Variants in FBXO15 observed in about 807,000 individuals in gnomAD.
FBXO15 encodes F-box only protein 15.
A neutral mutation model predicts 49.5 loss-of-function variants in FBXO15; 30 were observed. The ratio of observed to expected loss-of-function variants is 0.61; its 90% CI spans 0.45 to 0.82. The LOEUF is 0.82. FBXO15 is among the 40% of genes least tolerant of loss of function. The pLI is 0.00. For synonymous variants in FBXO15, 250 were observed against 232.7 expected, an observed-to-expected ratio of 1.07 and a Z score of -0.68; for missense variants, 591 against 631.5, an observed-to-expected ratio of 0.94 and a Z score of 0.69.
intron 8 of FBXO15, among the ~76,000 whole-genome samples, chr18:74,093,117 GC>G (rs1453159847): frequency 6.6e-6 from 1 of 152,180 alleles, no homozygotes; most frequent in African/African-American, 2.4e-5. Context: ...ACATGTTTGT[GC>G]CAGTAATGCA....
At chr18:74,085,789 A>G (rs1039051047) in intron 8 of FBXO15, among the ~76,000 whole-genome samples, 3 of 152,230 alleles carry the variant, frequency 2.0e-5, no homozygotes, top group Non-Finnish European at 2.9e-5. Context: ...CTTCTAATTT[A>G]CACAAAACAC....
chr18:74,128,879 T>C (rs910597216), intron 5 of FBXO15, among the ~76,000 whole-genome samples: 3 of 152,224 alleles, frequency 2.0e-5, no homozygotes, highest in East Asian at 1.9e-4. Context: ...ATCTTATTCA[T>C]TGCAGTCATA....
intron 8 of FBXO15, among the ~76,000 whole-genome samples, chr18:74,094,394 CCCACTTCGCCTT>C (rs1913189666): frequency 6.6e-6 from 1 of 152,160 alleles, no homozygotes; most frequent in South Asian, 2.1e-4. Flanking sequence ...GTGCCTACTC[CCCACTTCGCCTT>C]CCACCCTGAT....
intron 8 of FBXO15, among the ~76,000 whole-genome samples, chr18:74,102,338 A>G (rs1273459485): frequency 6.6e-6 from 1 of 152,200 alleles, no homozygotes; most frequent in Non-Finnish European, 1.5e-5. Flanking sequence ...CAAATGGCCA[A>G]CAAACACAAA....
chr18:74,090,676 C>A (rs1022524784), intron 8 of FBXO15, among the ~76,000 whole-genome samples: 2 of 152,138 alleles, frequency 1.3e-5, no homozygotes, highest in East Asian at 1.9e-4. Context: ...CACTCAGGAG[C>A]AAGTTGTCTA....
Position 74,135,782 on chromosome 18 carries a change from A to C in FBXO15, c.312T>G (p.Phe104Leu), listed in dbSNP as rs972247705. ...CTTACTTGTCATTGGCTAGATGATA[A>C]AAGCGCCTGCTCACACATCCAGTAC... ...LLCTGCVSRR[F>L]YHLANDNFIW... Residue 104 changes from phenylalanine to leucine, a missense_variant, in exon 3 of 10, where the codon TTT becomes TTG. Coordinates refer to ENST00000419743, the MANE Select transcript of FBXO15 (RefSeq NM_001142958.2). 6.2e-7 allele frequency: 1 copy of C among 1,606,966 alleles called. No individual in the cohort carries two copies.
intron 8 of FBXO15, among the ~76,000 whole-genome samples, chr18:74,086,573 A>C (rs1912750119): frequency 6.6e-6 from 1 of 152,092 alleles, no homozygotes; most frequent in Non-Finnish European, 1.5e-5. Context: ...ACCACGCCTG[A>C]CTAATTTTTT....
At chr18:74,120,498 T>C (rs2145183728) in intron 8 of FBXO15, among the ~76,000 whole-genome samples, 1 of 152,302 alleles carries the variant, frequency 6.6e-6, no homozygotes, top group Admixed American at 6.5e-5. Context: ...TGAGTTAAAT[T>C]AGAACTCAGT....
At chr18:74,129,702 T>A in intron 4 of FBXO15, 88 bp from the exon 5 acceptor site, 1 of 1,097,812 alleles carries the variant, frequency 9.1e-7, no homozygotes, top group Non-Finnish European at 1.3e-6. Context: ...CTCTAAAGCA[T>A]CTAGTTCCTT....
rs1256202564 is a variant in FBXO15 at position 74,147,797 on chromosome 18, G to A, written c.-12C>T. ...CGTCCAGTCGCCATAGAGACAAGGA[G>A]TTCACCACAGGACCGCGCCAGGGCT... On this transcript the variant is annotated 5_prime_UTR_variant, in exon 1 of 10. Coordinates refer to ENST00000419743, the MANE Select transcript of FBXO15 (RefSeq NM_001142958.2). 7 of 1,523,686 alleles carry A rather than the reference G, an allele frequency of 4.6e-6. No homozygotes were observed. Among genetic ancestry groups the A allele is most frequent in the East Asian group, 2.5e-5 (1 of 39,356 alleles). 94.4% of individuals were successfully genotyped at this position (1,523,686 alleles called of 1,614,324 possible).
At chr18:74,132,787 A>T (rs556889134) in intron 3 of FBXO15, among the ~76,000 whole-genome samples, 1 of 152,216 alleles carries the variant, frequency 6.6e-6, no homozygotes, top group Non-Finnish European at 1.5e-5. Flanking sequence ...GGCCAATTTA[A>T]TGTTCAGATA....
chr18:74,135,961 T>C lies in FBXO15; in HGVS notation c.228-95A>G, dbSNP rs1230522055. The C allele has an allele frequency of 6.6e-6, 6 of 911,426 alleles. No individual in the cohort carries two copies. In the South Asian group the frequency reaches 6.6e-5, roughly 10 times the overall value. The allele number at this position is 911,426 out of a possible 1,614,324, so 56.5% of individuals were successfully genotyped here. A position where few individuals can be genotyped will look rare whatever the true frequency, so the allele number is the denominator to read the frequency against. On this transcript the variant is annotated intron_variant, in intron 2 of 9. Transcript: ENST00000419743. Reference sequence around the variant, plus strand: ...AAACAACTGGCTGCTCATCTCTAAATAGAAGGCCGTAGAGAGACCCCTCCT... The same window carrying C: ...AAACAACTGGCTGCTCATCTCTAAACAGAAGGCCGTAGAGAGACCCCTCCT...
At chr18:74,092,325 G>T (rs1913074112) in intron 8 of FBXO15, among the ~76,000 whole-genome samples, 1 of 152,082 alleles carries the variant, frequency 6.6e-6, no homozygotes, top group African/African-American at 2.4e-5. Flanking sequence ...ACATTCTTCT[G>T]AATGTTGATG....
chr18:74,140,531 C>G (rs9949902), intron 1 of FBXO15, among the ~76,000 whole-genome samples: 20,186 of 106,794 alleles, frequency 0.19, 2,742 homozygotes, highest in African/African-American at 0.45. Context: ...TGATGGTAAG[C>G]AAGGAAGAAA....
chr18:74,125,870 G>T, intron 6 of FBXO15, 105 bp downstream of exon 6: 1 of 1,456,714 alleles, frequency 6.9e-7, no homozygotes, highest in Non-Finnish European at 9.3e-7. Context: ...ATTGCAGTTA[G>T]TGAAAAGCTT....
At chr18:74,085,225 C>T (rs1021766568) in intron 8 of FBXO15, among the ~76,000 whole-genome samples, 4 of 135,700 alleles carry the variant, frequency 2.9e-5, no homozygotes, top group African/African-American at 1.4e-4. Flanking sequence ...CCAAAACAAT[C>T]TTGGAAAAAA....
intron 8 of FBXO15, among the ~76,000 whole-genome samples, chr18:74,100,957 C>A (rs1451223885): frequency 2.0e-5 from 3 of 152,120 alleles, no homozygotes; most frequent in Non-Finnish European, 4.4e-5. Context: ...CAGATGGATT[C>A]ACAGCTGAAT....
At chr18:74,140,480 GAAGA>G (rs1313147727) in intron 1 of FBXO15, among the ~76,000 whole-genome samples, 168 bp from the exon 2 acceptor site, 15 of 152,250 alleles carry the variant, frequency 9.9e-5, no homozygotes, top group Admixed American at 2.0e-4. Context: ...TGGAAGGAAG[GAAGA>G]AAGGCAGGGA....
intron 8 of FBXO15, among the ~76,000 whole-genome samples, chr18:74,087,359 G>A (rs1438983549): frequency 3.9e-5 from 6 of 152,190 alleles, no homozygotes; most frequent in Non-Finnish European, 8.8e-5. Context: ...GTACCCGATA[G>A]GTAGTTTTTG....
Sources: gnomAD v4.1 joint callset for allele counts (sites outside exome capture counted in the v4.1 genomes callset) on GRCh38, gnomAD v4.1.1 for gene constraint, MANE v1.5 for transcripts, NCBI Gene and HGNC (gene_info 2026-07-23, HGNC 2026-07-21) for gene names.